Variants in ELOA observed in about 807,000 individuals in gnomAD.
ELOA encodes elongin-A.
A neutral mutation model predicts 85.2 loss-of-function variants in ELOA; 15 were observed. The ratio of observed to expected loss-of-function variants is 0.18; its 90% CI spans 0.12 to 0.27. ELOA has a LOEUF of 0.27. ELOA is among the 10% of genes least tolerant of loss of function. The pLI is 1.00. For missense variants in ELOA, 769 were observed against 952.7 expected (o/e 0.81, Z 2.54); for synonymous variants, 348 against 357.2 (o/e 0.97, Z 0.29).
chr1:23,753,951 C>T, intron 5 of ELOA, 149 bp from the exon 6 acceptor site: 2 of 986,950 alleles, frequency 2.0e-6, no homozygotes, highest in Non-Finnish European at 2.9e-6. Flanking sequence ...GCTGGGATTA[C>T]AGGAGCTTAT....
chr1:23,755,738 C>A, intron 7 of ELOA, 105 bp from the exon 8 acceptor site: 1 of 1,171,556 alleles, frequency 8.5e-7, no homozygotes, highest in Non-Finnish European at 1.2e-6. Context: ...CAAAATTGCA[C>A]CACTGCACTG....
intron 3 of ELOA, 71 bp downstream of exon 3, chr1:23,750,019 T>TA (rs1268976153): frequency 1.6e-5 from 20 of 1,285,758 alleles, no homozygotes; most frequent in Non-Finnish European, 1.9e-5. Context: ...TTTTCTTTAT[T>TA]ATTTCTCTTT....
chr1:23,756,899 G>T, intron 9 of ELOA, 54 bp from the exon 10 acceptor site: 1 of 1,432,872 alleles, frequency 7.0e-7, no homozygotes, highest in Non-Finnish European at 9.2e-7. Flanking sequence ...GGCTGTTCAT[G>T]CTCAGGGCAG....
Position 23,751,788 on chromosome 1 carries a change from G to A in ELOA, c.1183G>A (p.Asp395Asn). ...CTCCCTCCCTAAAGTTGAGGAGACAGATATGGAGGATGAATTCGAGCAGCC... is the reference window on the plus strand; with the variant it reads ...CTCCCTCCCTAAAGTTGAGGAGACAAATATGGAGGATGAATTCGAGCAGCC... ...LGSLPKVEET[D>N]MEDEFEQPTM... The change falls in exon 4 of 11, where the codon GAT becomes AAT. Residue 395 changes from aspartate to asparagine, a missense_variant. Physicochemically the swap from Asp to Asn is conservative, Grantham distance 23 (BLOSUM62 1). This residue lies in a region of ELOA where 193 missense variants were observed against 278.9 expected (regional missense o/e 0.69). Transcript: ENST00000613537. 6.2e-7 allele frequency: 1 copy of A among 1,614,202 alleles called. No homozygotes were observed. Among genetic ancestry groups the A allele is most frequent in the South Asian group, 1.1e-5 (1 of 91,086 alleles).
At chr1:23,757,630 C>T (rs1006248240) in intron 10 of ELOA, among the ~76,000 whole-genome samples, 1 of 152,046 alleles carries the variant, frequency 6.6e-6, no homozygotes, top group East Asian at 1.9e-4. Flanking sequence ...TCCCAAGTAG[C>T]TAGAACTACA....
rs1638291170 is a variant in ELOA, at chr1:23,761,371, C to G, written c.*1798C>G. ...GCCTAGAATAGCTTTTTCTAGGTGT[C>G]TACCACCTTGAATTTATCTCTTAAC... On this transcript the variant is annotated 3_prime_UTR_variant, in exon 11 of 11. Coordinates refer to ENST00000613537, the MANE Select transcript of ELOA (RefSeq NM_003198.3). 6.6e-6 allele frequency: 1 copy of G among 152,134 alleles called. No homozygotes were observed. The highest frequency in any genetic ancestry group is 1.5e-5 in the Non-Finnish European group (1 of 68,028). 9.4% of individuals were successfully genotyped at this position (152,134 alleles called of 1,614,324 possible).
intron 3 of ELOA, 144 bp from the exon 4 acceptor site, chr1:23,750,701 A>T: frequency 1.3e-6 from 1 of 757,648 alleles, no homozygotes; most frequent in Non-Finnish European, 2.0e-6. Flanking sequence ...GAGTATCTTT[A>T]AGCATAACCT....
intron 10 of ELOA, among the ~76,000 whole-genome samples, chr1:23,757,650 C>T (rs1398878890): frequency 6.6e-6 from 1 of 152,058 alleles, no homozygotes; most frequent in African/African-American, 2.4e-5. Context: ...AGGTGCCCAC[C>T]ACCATGCCCA....
At chr1:23,743,678 T>G in intron 1 of ELOA, 100 bp downstream of exon 1, 1 of 1,294,368 alleles carries the variant, frequency 7.7e-7, no homozygotes, top group African/African-American at 1.6e-5. Context: ...GCTGGGACCC[T>G]GAGCCAGGCC....
chr1:23,754,072 G>C, intron 5 of ELOA, 28 bp from the exon 6 acceptor site: 1 of 1,611,960 alleles, frequency 6.2e-7, no homozygotes, highest in Non-Finnish European at 8.5e-7. Flanking sequence ...GATCACTTAG[G>C]GCCTTTTGTG....
intron 7 of ELOA, 132 bp from the exon 8 acceptor site, chr1:23,755,711 C>A: frequency 1.4e-6 from 1 of 738,334 alleles, no homozygotes; most frequent in Non-Finnish European, 2.1e-6. Flanking sequence ...ACCCAGGAGG[C>A]AAGGGTTGCA....
At chr1:23,756,763 T>A (rs959114457) in intron 9 of ELOA, among the ~76,000 whole-genome samples, 190 bp from the exon 10 acceptor site, 4 of 152,220 alleles carry the variant, frequency 2.6e-5, no homozygotes, top group African/African-American at 9.6e-5. Context: ...AAAAGTTAGT[T>A]GAGATTATCA....
chr1:23,752,461 A>T lies in ELOA; in HGVS notation c.1480A>T (p.Asn494Tyr). ...CCTCCCGTTACCCGCGATACAGGCCAATTACCGTCCACTGCCTTCCCTCGA... is the reference window on the plus strand; with the variant it reads ...CCTCCCGTTACCCGCGATACAGGCCTATTACCGTCCACTGCCTTCCCTCGA... The part of the protein sequence containing the change: ...PDLPLPAIQA[N>Y]YRPLPSLELI... Residue 494 changes from asparagine (N) to tyrosine (Y), a missense_variant, in exon 5 of 11, where the codon AAT becomes TAT. By Grantham distance (143) the Asn-to-Tyr change is moderately radical. Transcript: ENST00000613537. The T allele has an allele frequency of 1.9e-6, 3 of 1,614,158 alleles. No individual in the cohort carries two copies. In the South Asian group the frequency reaches 3.3e-5, roughly 18 times the overall value.
In ELOA at chr1:23,743,591, G is replaced by A; in HGVS notation, c.75+13G>A. 5 of 1,477,434 alleles carry A rather than the reference G, an allele frequency of 3.4e-6. No homozygotes were observed. Among genetic ancestry groups the A allele is most frequent in the Non-Finnish European group, 4.5e-6 (5 of 1,117,732 alleles). 91.5% of individuals were successfully genotyped at this position (1,477,434 alleles called of 1,614,324 possible). Reference sequence around the variant, plus strand: ...GGACCCTAAGAAGGTAAGCGAGGGGGCGGCGCGTAGCGGGATGGGCGTTGG... The same window carrying A: ...GGACCCTAAGAAGGTAAGCGAGGGGACGGCGCGTAGCGGGATGGGCGTTGG... On this transcript the variant is annotated intron_variant, in intron 1 of 10. Transcript: ENST00000613537.
rs1461946864 is a variant in ELOA, at chr1:23,760,715, G to C, written c.*1142G>C. On this transcript the variant is annotated 3_prime_UTR_variant, in exon 11 of 11. Transcript: ENST00000613537. The stretch of plus-strand genomic sequence containing the variant: ...GCTGCTGAAGTGTTTTCTACCTTCT[G>C]AGTGTGTTTAAGGCAGGATTTGGAG... 6.6e-6 allele frequency: 1 copy of C among 152,212 alleles called. No homozygotes were observed. Among genetic ancestry groups the C allele is most frequent in the African/African-American group, 2.4e-5 (1 of 41,428 alleles). The allele number at this position is 152,212 out of a possible 1,614,324, so 9.4% of individuals were successfully genotyped here. A position where few individuals can be genotyped will look rare whatever the true frequency, so the allele number is the denominator to read the frequency against.
At chr1:23,755,717 T>A in intron 7 of ELOA, 126 bp from the exon 8 acceptor site, 4 of 801,292 alleles carry the variant, frequency 5.0e-6, no homozygotes, top group East Asian at 2.9e-5. Flanking sequence ...GAGGCAAGGG[T>A]TGCAGTGAAC....
chr1:23,746,199 G>A (rs1442008765), intron 1 of ELOA, among the ~76,000 whole-genome samples: 1 of 150,960 alleles, frequency 6.6e-6, no homozygotes, highest in Non-Finnish European at 1.5e-5. Flanking sequence ...TGAGGCAGGA[G>A]AACACTCGAA....
intron 10 of ELOA, among the ~76,000 whole-genome samples, chr1:23,758,940 C>T (rs1638251829): frequency 6.6e-6 from 1 of 152,154 alleles, no homozygotes. Flanking sequence ...CAGTGGTTCA[C>T]ACACACCTGT....
In ELOA at chr1:23,760,364, A is replaced by G. The variant is rs1162890641; in HGVS notation, c.*791A>G. 1 of 150,038 alleles carries G rather than the reference A, an allele frequency of 6.7e-6. No individual in the cohort carries two copies. The highest frequency in any genetic ancestry group is 2.5e-5 in the African/African-American group (1 of 40,718). The allele number at this position is 150,038 out of a possible 1,614,324, so 9.3% of individuals were successfully genotyped here. A position where few individuals can be genotyped will look rare whatever the true frequency, so the allele number is the denominator to read the frequency against. ...GCAGAACCTTGGGAGATTGATTTGC[A>G]CAGAACTCCCCACCTCCCACTTTTA... On this transcript the variant is annotated 3_prime_UTR_variant, in exon 11 of 11. Transcript: ENST00000613537.
Sources: gnomAD v4.1 joint callset for allele counts (sites outside exome capture counted in the v4.1 genomes callset) on GRCh38, gnomAD v4.1.1 for gene constraint, gnomAD v4.1.1 regional missense constraint, MANE v1.5 for transcripts, NCBI Gene and HGNC (gene_info 2026-07-23, HGNC 2026-07-21) for gene names.